Variants in ZFR observed in about 807,000 individuals in gnomAD.
ZFR encodes the protein zinc finger RNA-binding protein.
A neutral mutation model predicts 130.7 loss-of-function variants in ZFR; 19 were observed. The ratio of observed to expected loss-of-function variants is 0.15; its 90% CI spans 0.10 to 0.21. The LOEUF (loss-of-function observed/expected upper bound fraction) is 0.21, where lower values mean the gene tolerates loss of function less well. Among genes scored for constraint, ZFR ranks in the 10% least tolerant of loss-of-function variants. ZFR has a pLI of 1.00. For synonymous variants in ZFR, 466 were observed against 456.9 expected (o/e 1.02, Z -0.25); for missense variants, 872 against 1,321.5 (o/e 0.66, Z 5.27).
rs1326041688 is a variant in ZFR at position 32,415,515 on chromosome 5, T to TGTGTGTGCGCGC, written c.566-329_566-328insGCGCGCACACAC. 9.2e-5 allele frequency among the ~76,000 whole-genome samples: 9 copies of TGTGTGTGCGCGC among 97,992 alleles called. No individual in the cohort carries two copies. In the East Asian group the frequency reaches 9.9e-4, roughly 11 times the overall value. The allele number at this position is 97,992 out of a possible 152,430, so 64.3% of individuals were successfully genotyped here. A position where few individuals can be genotyped will look rare whatever the true frequency, so the allele number is the denominator to read the frequency against. ...GTGTGTGTGTGTGTGTGTGTGTGTG[T>TGTGTGTGCGCGC]GCGCGCGCGCGCGCGCGCACTAGTC... On this transcript the variant is annotated intron_variant, in intron 4 of 19. Coordinates refer to ENST00000265069, the MANE Select transcript of ZFR (RefSeq NM_016107.5).
intron 5 of ZFR, among the ~76,000 whole-genome samples, chr5:32,413,278 T>G (rs1372206840): frequency 1.3e-5 from 2 of 151,774 alleles, no homozygotes; most frequent in Admixed American, 6.6e-5. Context: ...AAAACATTAA[T>G]CAGAGGTATA....
intron 17 of ZFR, among the ~76,000 whole-genome samples, chr5:32,372,364 G>C (rs972348427): frequency 6.6e-6 from 1 of 152,180 alleles, no homozygotes; most frequent in African/African-American, 2.4e-5. Flanking sequence ...TACTACTCTA[G>C]TGTCGGGGAG....
At position 32,397,183 on chromosome 5, in the gene ZFR, T is replaced by C. The variant is rs532020928; in HGVS notation, c.1833+36A>G. On this transcript the variant is annotated intron_variant, in intron 10 of 19. Coordinates refer to ENST00000265069, the MANE Select transcript of ZFR (RefSeq NM_016107.5). ...TCTGGGTGTTTTTGTTTTTGTTTTT[T>C]GTTTTAAAGAAGGTAATAGCTGAAA... 16 of 1,562,036 alleles carry C rather than the reference T, an allele frequency of 1.0e-5. No individual in the cohort carries two copies. The African/African-American group carries it at 1.2e-4, about 12-fold the overall frequency.
chr5:32,377,251 C>T (rs974747581), intron 17 of ZFR, among the ~76,000 whole-genome samples: 3 of 149,734 alleles, frequency 2.0e-5, no homozygotes, highest in Admixed American at 6.7e-5. Flanking sequence ...CTCTTTCTTT[C>T]GAGACAGAAT....
chr5:32,394,676 TA>T (rs1394970661), intron 11 of ZFR, among the ~76,000 whole-genome samples: 1 of 152,230 alleles, frequency 6.6e-6, no homozygotes, highest in African/African-American at 2.4e-5. Flanking sequence ...TGTCACTGTA[TA>T]AGTTTAGAAG....
intron 2 of ZFR, among the ~76,000 whole-genome samples, chr5:32,430,791 T>C (rs561181936): frequency 2.6e-4 from 40 of 152,256 alleles, no homozygotes; most frequent in South Asian, 6.2e-4. Context: ...CAAAAAACTC[T>C]CAGGCTGATT....
intron 8 of ZFR, 26 bp from the exon 9 acceptor site, chr5:32,400,229 A>T: frequency 1.3e-6 from 2 of 1,515,286 alleles, no homozygotes; most frequent in Non-Finnish European, 1.8e-6. Flanking sequence ...AAAGTTAAAA[A>T]AAATTTTATT....
chr5:32,430,670 TAAAGAA>T (rs1561923097), intron 2 of ZFR, among the ~76,000 whole-genome samples: 2 of 151,848 alleles, frequency 1.3e-5, no homozygotes, highest in Admixed American at 6.6e-5. Flanking sequence ...ACATGAAAGA[TAAAGAA>T]AAACTCTTAT....
intron 17 of ZFR, among the ~76,000 whole-genome samples, chr5:32,370,128 A>C (rs1465796317): frequency 1.4e-5 from 2 of 139,382 alleles, no homozygotes; most frequent in African/African-American, 5.5e-5. Flanking sequence ...GGGTCTCACG[A>C]TGTGCCCAGG....
intron 15 of ZFR, among the ~76,000 whole-genome samples, chr5:32,382,697 C>A (rs1023397355): frequency 6.6e-6 from 1 of 152,040 alleles, no homozygotes; most frequent in African/African-American, 2.4e-5. Flanking sequence ...GCAACCTACA[C>A]CTTCTGGGTT....
chr5:32,442,460 C>T lies in ZFR; in HGVS notation c.137+1769G>A, dbSNP rs1226231304. 2.0e-5 allele frequency among the ~76,000 whole-genome samples: 3 copies of T among 152,304 alleles called. No individual in the cohort carries two copies. In the South Asian group the frequency reaches 6.2e-4, roughly 32 times the overall value. ...TTTTAAAAGTCCTAAAAAGTTTTAT[C>T]AAAGTAGCTGAAACTTTTTTTGTCT... On this transcript the variant is annotated intron_variant, in intron 2 of 19. Transcript: ENST00000265069.
At position 32,400,108 on chromosome 5, in the gene ZFR, G is replaced by GA; in HGVS notation, c.1611dup (p.Pro538SerfsTer2). 6.2e-7 allele frequency: 1 copy of GA among 1,613,532 alleles called. No homozygotes were observed. Among genetic ancestry groups the GA allele is most frequent in the Non-Finnish European group, 8.5e-7 (1 of 1,179,648 alleles). ...GACACTGTGTCTTGCTTTACTTCAGGAATCTGCACAGCAGAAGTGACAGGA... is the reference window on the plus strand; with the variant it reads ...GACACTGTGTCTTGCTTTACTTCAGGAAATCTGCACAGCAGAAGTGACAGGA... On this transcript the variant is annotated frameshift_variant, in exon 9 of 20. Transcript: ENST00000265069. LOFTEE classifies it high-confidence loss of function.
In ZFR at chr5:32,444,213, G is replaced by A. The variant is rs764861981; in HGVS notation, c.137+16C>T. 12 of 1,596,122 alleles carry A rather than the reference G, an allele frequency of 7.5e-6. No individual in the cohort carries two copies. The highest frequency in any genetic ancestry group is 1.0e-5 in the Non-Finnish European group (12 of 1,172,912). Reference sequence around the variant, plus strand: ...GAGAGCAAGGGGCGAACAGAGAGAAGGCAGGATGCCGTTACCTATATTGGG... The same window carrying A: ...GAGAGCAAGGGGCGAACAGAGAGAAAGCAGGATGCCGTTACCTATATTGGG... On this transcript the variant is annotated intron_variant, in intron 2 of 19. Transcript: ENST00000265069.
At position 32,358,541 on chromosome 5, in the gene ZFR, T is replaced by A. The variant is rs1752362701; in HGVS notation, c.3046-2602A>T. 2.6e-5 allele frequency among the ~76,000 whole-genome samples: 4 copies of A among 151,742 alleles called. No homozygotes were observed. In the South Asian group the frequency reaches 8.3e-4, roughly 32 times the overall value. On this transcript the variant is annotated intron_variant, in intron 19 of 19. Coordinates refer to ENST00000265069, the MANE Select transcript of ZFR (RefSeq NM_016107.5). Reference sequence around the variant, plus strand: ...CGGGCTTGGTGGCGGGTGCCTATAGTCCCAGCTACTCGGGAGGCAGAGGCA... The same window carrying A: ...CGGGCTTGGTGGCGGGTGCCTATAGACCCAGCTACTCGGGAGGCAGAGGCA...
At chr5:32,375,852 T>C (rs532516026) in intron 17 of ZFR, among the ~76,000 whole-genome samples, 2 of 151,084 alleles carry the variant, frequency 1.3e-5, no homozygotes, top group African/African-American at 4.9e-5. Flanking sequence ...AATTAGTTTT[T>C]TTTTTTTTTG....
intron 2 of ZFR, among the ~76,000 whole-genome samples, chr5:32,429,794 C>T (rs1436704087): frequency 2.6e-5 from 4 of 151,982 alleles, no homozygotes; most frequent in South Asian, 4.2e-4. Context: ...AGAGGCCAGG[C>T]GCAGTAGCTC....
intron 3 of ZFR, 119 bp downstream of exon 3, chr5:32,419,702 T>C: frequency 6.9e-7 from 1 of 1,449,960 alleles, no homozygotes; most frequent in Admixed American, 2.4e-5. Flanking sequence ...CTTTTCTCTA[T>C]CAGTACATGT....
rs141623448 is a variant in ZFR, at chr5:32,409,015, G to A, written c.785-1994C>T. ...TCCCTATGTGTACAGACATATTGGA[G>A]TTAGGGGGTCCTAAGTCTTTCAGTA... is the stretch of plus-strand genomic sequence containing the variant. On this transcript the variant is annotated intron_variant, in intron 5 of 19. Coordinates refer to ENST00000265069, the MANE Select transcript of ZFR (RefSeq NM_016107.5). Among the ~76,000 whole-genome samples the A allele has an allele frequency of 1.6e-4, 25 of 152,286 alleles. No homozygotes were observed. The East Asian group carries it at 4.8e-3, about 29-fold the overall frequency.
chr5:32,402,102 A>G (rs1399907675), intron 8 of ZFR, among the ~76,000 whole-genome samples: 2 of 152,210 alleles, frequency 1.3e-5, no homozygotes, highest in African/African-American at 2.4e-5. Flanking sequence ...AATTTACCAG[A>G]AAGATTTTAA....
Sources: allele counts gnomAD v4.1 joint callset (sites outside exome capture counted in the v4.1 genomes callset), GRCh38; gene constraint gnomAD v4.1.1; transcripts MANE v1.5; gene names NCBI Gene and HGNC (gene_info 2026-07-23, HGNC 2026-07-21).